The following NGLY1 variants were observed in gnomAD, a reference collection of about 807,000 sequenced individuals.
NGLY1 encodes the protein peptide-N(4)-(N-acetyl-beta-glucosaminyl)asparagine amidase.
In NGLY1, 68 loss-of-function variants were observed where a neutral mutation model predicts 84.6. That is an observed-to-expected ratio of 0.80 (90% CI 0.66 to 0.98). NGLY1 has a LOEUF of 0.98. Ranked by LOEUF, NGLY1 falls within the 50% of genes least tolerant of loss-of-function variation. The pLI is 0.00. For synonymous variants in NGLY1, 280 were observed against 275.2 expected, an observed-to-expected ratio of 1.02 and a Z score of -0.17; for missense variants, 779 against 770.2, an observed-to-expected ratio of 1.01 and a Z score of -0.14.
At chr3:25,782,268 C>G (rs761321275) in intron 1 of NGLY1, among the ~76,000 whole-genome samples, 1 of 152,126 alleles carries the variant, frequency 6.6e-6, no homozygotes, top group Non-Finnish European at 1.5e-5. Flanking sequence ...AACCTTGAAA[C>G]TGAGAATTTC....
chr3:25,782,379 C>A (rs1708459628), intron 1 of NGLY1, among the ~76,000 whole-genome samples: 1 of 152,150 alleles, frequency 6.6e-6, no homozygotes, highest in East Asian at 1.9e-4. Flanking sequence ...TGAGGTAACA[C>A]CCCTAAAGCA....
rs1017509130 is a variant in NGLY1 at position 25,770,843 on chromosome 3, T to C, written c.247-6532A>G. Among the ~76,000 whole-genome samples, 4 of 152,382 alleles carry C rather than the reference T, an allele frequency of 2.6e-5. No homozygotes were observed. The East Asian group carries it at 7.7e-4, about 29-fold the overall frequency. On this transcript the variant is annotated intron_variant, in intron 2 of 11. Transcript: ENST00000280700. ...TTTTTTCATGTTTATTGGCCATTTG[T>C]ATATCTTCTTTTCAGAACTGCCTAT...
intron 4 of NGLY1, among the ~76,000 whole-genome samples, chr3:25,742,821 T>C (rs1228893172): frequency 1.5e-5 from 2 of 130,902 alleles, no homozygotes; most frequent in East Asian, 2.3e-4. Context: ...GGCTAAAAAA[T>C]GGCCCTCAGA....
At chr3:25,766,621 G>T (rs769338126) in intron 2 of NGLY1, among the ~76,000 whole-genome samples, 1 of 152,134 alleles carries the variant, frequency 6.6e-6, no homozygotes, top group Non-Finnish European at 1.5e-5. Context: ...ACCTTAGAAA[G>T]AATCTTCTTA....
At chr3:25,766,660 C>G (rs1050437027) in intron 2 of NGLY1, among the ~76,000 whole-genome samples, 2 of 152,016 alleles carry the variant, frequency 1.3e-5, no homozygotes, top group African/African-American at 2.4e-5. Flanking sequence ...GGAAGAGAAA[C>G]CAGACATCTG....
chr3:25,783,370 G>A lies in NGLY1; in HGVS notation c.21C>T (p.Gly7=), dbSNP rs757591250. Residue 7 remains glycine (G), a synonymous_variant, in exon 1 of 12, where the codon GGC becomes GGT. Transcript: ENST00000280700. The surrounding 1 kb of genome is among the most constrained non-coding windows in gnomAD (Gnocchi z 4.5). ...CCGGGGACGCCGAGCCTGAGGAGCTGCCCAATGCCGCCGCCGCCATGCTTG... is the reference window on the plus strand; with the variant it reads ...CCGGGGACGCCGAGCCTGAGGAGCTACCCAATGCCGCCGCCGCCATGCTTG... MAAAAL[G]SSSGSASPAV... is the part of the protein sequence containing the mutation. The A allele has an allele frequency of 1.3e-6, 2 of 1,546,128 alleles. No homozygotes were observed. Among genetic ancestry groups the A allele is most frequent in the African/African-American group, 1.4e-5 (1 of 71,394 alleles).
chr3:25,764,529 T>C (rs968806699), intron 2 of NGLY1, among the ~76,000 whole-genome samples: 5 of 152,232 alleles, frequency 3.3e-5, no homozygotes, highest in Non-Finnish European at 7.3e-5. Context: ...TATCTCCTTT[T>C]TGGCATTTAA....
chr3:25,785,432 T>G (rs899358622), upstream of NGLY1, among the ~76,000 whole-genome samples: 4 of 152,122 alleles, frequency 2.6e-5, no homozygotes, highest in African/African-American at 9.7e-5. Context: ...GGGTTTCTTT[T>G]TCCATTGATA....
intron 2 of NGLY1, among the ~76,000 whole-genome samples, chr3:25,772,413 T>G (rs988305677): frequency 6.6e-6 from 1 of 152,234 alleles, no homozygotes; most frequent in Non-Finnish European, 1.5e-5. Flanking sequence ...CCCTTTGTCT[T>G]TTTTTAACTG....
intron 11 of NGLY1, 89 bp downstream of exon 11, chr3:25,719,925 C>G: frequency 1.4e-5 from 17 of 1,172,556 alleles, no homozygotes; most frequent in Non-Finnish European, 2.0e-5. Context: ...CTCTTAGGTA[C>G]GAAAAAGAGC....
chr3:25,771,630 A>G (rs1707895563), intron 2 of NGLY1, among the ~76,000 whole-genome samples: 2 of 151,968 alleles, frequency 1.3e-5, no homozygotes, highest in Admixed American at 1.3e-4. Flanking sequence ...TAGTATGGTC[A>G]TTTTCACAAT....
chr3:25,754,189 G>T (rs1025332896), intron 3 of NGLY1, among the ~76,000 whole-genome samples: 1 of 152,164 alleles, frequency 6.6e-6, no homozygotes, highest in Non-Finnish European at 1.5e-5. Context: ...GCTAGGTGCT[G>T]GGGATATAAC....
chr3:25,744,215 T>G (rs553061507), intron 4 of NGLY1, among the ~76,000 whole-genome samples: 3 of 152,202 alleles, frequency 2.0e-5, no homozygotes, highest in Non-Finnish European at 2.9e-5. Flanking sequence ...GTTCTCCATC[T>G]CATATCTTCA....
chr3:25,775,582 A>G (rs1708119049), intron 2 of NGLY1, among the ~76,000 whole-genome samples: 2 of 152,232 alleles, frequency 1.3e-5, no homozygotes, highest in Non-Finnish European at 2.9e-5. Flanking sequence ...TGTGGGAGCT[A>G]AAACAATTGA....
rs1182908791 is a variant in NGLY1, at chr3:25,719,571, T to TA, written c.1853dup (p.Leu618PhefsTer7). Reference sequence around the variant, plus strand: ...AAGCGACATCACCATCTCCTCTGCTTAATTCTGCTTCCAAAATAACTTCAG... The same window carrying TA: ...AAGCGACATCACCATCTCCTCTGCTTAAATTCTGCTTCCAAAATAACTTCAG... On this transcript the variant is annotated frameshift_variant, in exon 12 of 12. Coordinates refer to ENST00000280700, the MANE Select transcript of NGLY1 (RefSeq NM_018297.4). LOFTEE classifies it high-confidence loss of function. The TA allele has an allele frequency of 1.2e-6, 2 of 1,614,022 alleles. No individual in the cohort carries two copies.
chr3:25,736,356 T>C, intron 6 of NGLY1: 2 of 1,551,516 alleles, frequency 1.3e-6, no homozygotes, highest in Non-Finnish European at 8.7e-7. Flanking sequence ...GTTTTTCCAA[T>C]CTCCTTTAAC....
intron 2 of NGLY1, among the ~76,000 whole-genome samples, chr3:25,771,724 T>A (rs1328397340): frequency 1.3e-5 from 2 of 152,188 alleles, no homozygotes; most frequent in African/African-American, 4.8e-5. Context: ...GTTTTGTAGT[T>A]TTCCTTATAG....
rs750639430 is a variant in NGLY1 at position 25,732,469 on chromosome 3, C to G, written c.1275G>C (p.Leu425Phe). ...GAAGTTCTTTCCTTCTGTTTTCTGA[C>G]AAAAACAGTTGCCTCTGTAATTCAT... ...NGLNKQRQLF[L>F]SENRRKELLQ... Residue 425 changes from leucine (L) to phenylalanine (F), a missense_variant, in exon 9 of 12, where the codon TTG (leucine) becomes TTC (phenylalanine). Coordinates refer to ENST00000280700, the MANE Select transcript of NGLY1 (RefSeq NM_018297.4). 1 of 1,612,400 alleles carries G rather than the reference C, an allele frequency of 6.2e-7. No homozygotes were observed. The highest frequency in any genetic ancestry group is 8.5e-7 in the Non-Finnish European group (1 of 1,179,146).
chr3:25,757,977 G>A (rs1188317692), intron 3 of NGLY1, among the ~76,000 whole-genome samples: 2 of 152,116 alleles, frequency 1.3e-5, no homozygotes, highest in Admixed American at 6.5e-5. Context: ...AAATGTACTG[G>A]GTTAAGTGGA....
Sources: gnomAD v4.1 joint callset for allele counts (sites outside exome capture counted in the v4.1 genomes callset) on GRCh38, gnomAD v4.1.1 for gene constraint, Gnocchi (gnomAD v3.1) non-coding constraint, MANE v1.5 for transcripts, NCBI Gene and HGNC (gene_info 2026-07-23, HGNC 2026-07-21) for gene names.